The following CORIN variants were observed in gnomAD, a reference collection of about 807,000 sequenced individuals.
CORIN encodes corin, serine peptidase, also known as atrial natriuretic peptide-converting enzyme.
A neutral mutation model predicts 125.3 loss-of-function variants in CORIN; 117 were observed. The observed-to-expected ratio is 0.93, with a 90% CI of 0.80 to 1.09. CORIN has a LOEUF of 1.09. CORIN is among the 50% of genes least tolerant of loss of function. The pLI is 0.00. For synonymous variants in CORIN, 450 were observed against 466.4 expected, an observed-to-expected ratio of 0.96 and a Z score of 0.45; for missense variants, 1,253 against 1,306.7, an observed-to-expected ratio of 0.96 and a Z score of 0.63.
At chr4:47,750,630 G>A (rs139085409) in intron 4 of CORIN, among the ~76,000 whole-genome samples, 7 of 152,290 alleles carry the variant, frequency 4.6e-5, no homozygotes, top group East Asian at 1.9e-4. Context: ...AGAGTTGTAT[G>A]GGGAAGGCTG....
At chr4:47,607,407 CA>C (rs909146371) in intron 19 of CORIN, among the ~76,000 whole-genome samples, 197 of 136,376 alleles carry the variant, frequency 1.4e-3, no homozygotes, top group Non-Finnish European at 1.5e-3. Context: ...GACTCCATCT[CA>C]AAAAAAAAAA....
intron 5 of CORIN, among the ~76,000 whole-genome samples, chr4:47,731,773 G>A (rs1048032924): frequency 6.6e-6 from 1 of 152,002 alleles, no homozygotes; most frequent in Non-Finnish European, 1.5e-5. Flanking sequence ...GGAGGCTGAG[G>A]CAGAAGAATT....
intron 19 of CORIN, 114 bp from the exon 20 acceptor site, chr4:47,603,782 C>A (rs1004532080): frequency 2.7e-6 from 3 of 1,127,390 alleles, no homozygotes; most frequent in African/African-American, 1.6e-5. Context: ...TTCATGCCCA[C>A]CTCTCAATGT....
At chr4:47,609,787 G>A (rs1413939033) in intron 19 of CORIN, among the ~76,000 whole-genome samples, 1 of 152,132 alleles carries the variant, frequency 6.6e-6, no homozygotes, top group Non-Finnish European at 1.5e-5. Context: ...CTCAGTGTGT[G>A]TTATCTCCCA....
intron 12 of CORIN, among the ~76,000 whole-genome samples, chr4:47,660,439 T>G (rs1001890094): frequency 3.9e-5 from 6 of 152,292 alleles, no homozygotes; most frequent in African/African-American, 1.4e-4. Flanking sequence ...GATAAGGGAT[T>G]AATAACCAGA....
At chr4:47,702,410 A>AT (rs2109760867) in intron 5 of CORIN, among the ~76,000 whole-genome samples, 1 of 152,236 alleles carries the variant, frequency 6.6e-6, no homozygotes, top group East Asian at 1.9e-4. Flanking sequence ...ATATATTAGT[A>AT]TTTTTTCTAG....
chr4:47,640,947 G>T (rs1723208896), intron 16 of CORIN, among the ~76,000 whole-genome samples: 1 of 152,118 alleles, frequency 6.6e-6, no homozygotes, highest in Non-Finnish European at 1.5e-5. Flanking sequence ...TAATTTAATA[G>T]ATCTTGGCAA....
intron 5 of CORIN, among the ~76,000 whole-genome samples, chr4:47,699,937 T>C (rs924533619): frequency 9.9e-5 from 15 of 152,276 alleles, no homozygotes; most frequent in African/African-American, 3.4e-4. Flanking sequence ...CACTTTGGGT[T>C]AAAATGGTAG....
chr4:47,829,144 C>T (rs1290001340), intron 1 of CORIN, among the ~76,000 whole-genome samples: 6 of 101,324 alleles, frequency 5.9e-5, no homozygotes, highest in Non-Finnish European at 1.0e-4. Flanking sequence ...GGTGACAGGG[C>T]GAGACTCCGT....
chr4:47,711,567 T>A (rs1726840724), intron 5 of CORIN, among the ~76,000 whole-genome samples: 1 of 152,228 alleles, frequency 6.6e-6, no homozygotes, highest in Non-Finnish European at 1.5e-5. Flanking sequence ...AAGAAATAGA[T>A]GGAGCCCAAG....
chr4:47,825,924 G>A (rs1015004859), intron 1 of CORIN, among the ~76,000 whole-genome samples: 3 of 151,690 alleles, frequency 2.0e-5, no homozygotes, highest in Admixed American at 6.6e-5. Context: ...GACTGGTCTC[G>A]AACTCCTGAC....
intron 16 of CORIN, among the ~76,000 whole-genome samples, chr4:47,635,044 T>G (rs1217135316): frequency 2.6e-5 from 4 of 152,202 alleles, no homozygotes; most frequent in Non-Finnish European, 5.9e-5. Flanking sequence ...TGTAAAAGAT[T>G]AGGTTGAAAT....
At chr4:47,664,436 C>T (rs181528505) in intron 11 of CORIN, among the ~76,000 whole-genome samples, 85 of 152,260 alleles carry the variant, frequency 5.6e-4, no homozygotes, top group African/African-American at 1.9e-3. Flanking sequence ...TAAGGGCTAC[C>T]TAGAAACTAG....
In CORIN at chr4:47,626,485, C is replaced by T. The variant is rs575900821; in HGVS notation, c.2235G>A (p.Glu745=). 2.2e-5 allele frequency: 36 copies of T among 1,614,014 alleles called. No homozygotes were observed. The South Asian group carries it at 3.8e-4, about 17-fold the overall frequency. The change falls in exon 17 of 22, where the codon GAG becomes GAA. Residue 745 remains glutamate (E), a synonymous_variant. Coordinates refer to ENST00000273857, the MANE Select transcript of CORIN (RefSeq NM_006587.4). ...PSVTKLIQEQ[E]KEPRWLTLHS... ...GTAATGTCAGCCACCGCGGCTCTTT[C>T]TCCTGTTCCTGTATCAATTTGGTCA...
intron 9 of CORIN, among the ~76,000 whole-genome samples, chr4:47,675,688 C>A (rs1207957747): frequency 6.6e-6 from 1 of 152,084 alleles, no homozygotes; most frequent in Non-Finnish European, 1.5e-5. Flanking sequence ...CTGAACAAAA[C>A]CTTCTGATGC....
intron 16 of CORIN, 144 bp downstream of exon 16, chr4:47,641,776 C>T: frequency 1.1e-6 from 1 of 912,570 alleles, no homozygotes; most frequent in Non-Finnish European, 1.6e-6. Flanking sequence ...TAAATATGGT[C>T]CTCTCACCTG....
chr4:47,782,772 A>G (rs1730615272), intron 3 of CORIN, among the ~76,000 whole-genome samples: 2 of 152,220 alleles, frequency 1.3e-5, no homozygotes. Flanking sequence ...TGAAAACATC[A>G]TGCAAAATAA....
intron 6 of CORIN, among the ~76,000 whole-genome samples, chr4:47,686,702 A>G (rs1725530920): frequency 6.6e-6 from 1 of 152,252 alleles, no homozygotes; most frequent in South Asian, 2.1e-4. Flanking sequence ...TGCTAGAATC[A>G]GCAATAGCCC....
At chr4:47,710,005 A>G (rs1464788464) in intron 5 of CORIN, among the ~76,000 whole-genome samples, 4 of 152,244 alleles carry the variant, frequency 2.6e-5, no homozygotes, top group African/African-American at 4.8e-5. Context: ...ATTTTAATAC[A>G]AAGACTTAAC....
Sources: allele counts gnomAD v4.1 joint callset (sites outside exome capture counted in the v4.1 genomes callset), GRCh38; gene constraint gnomAD v4.1.1; transcripts MANE v1.5; gene names NCBI Gene and HGNC (gene_info 2026-07-23, HGNC 2026-07-21).